The following CLCN1 variants were observed in gnomAD, a reference collection of about 807,000 sequenced individuals.
The protein encoded by CLCN1 is chloride channel protein 1.
CLCN1 carries 100 observed loss-of-function variants against 114.5 expected under a neutral mutation model. The observed-to-expected ratio is 0.87, with a 90% confidence interval of 0.74 to 1.03. The LOEUF (loss-of-function observed/expected upper bound fraction) is 1.03. Ranked by LOEUF, CLCN1 falls within the 50% of genes least tolerant of loss-of-function variation. The probability of loss-of-function intolerance (pLI) is 0.00; values close to 1 mark genes in which losing one functional copy is unlikely to be tolerated. For synonymous variants in CLCN1, 485 were observed against 487.1 expected, an observed-to-expected ratio of 1.00 and a Z score of 0.06; for missense variants, 1,188 against 1,250.0, an observed-to-expected ratio of 0.95 and a Z score of 0.75.
At chr7:143,351,155 G>C (rs62472680) in intron 22 of CLCN1, among the ~76,000 whole-genome samples, 1 of 152,118 alleles carries the variant, frequency 6.6e-6, no homozygotes, top group South Asian at 2.1e-4. Context: ...TACGAAGCCT[G>C]TTATGGCCAC....
intron 7 of CLCN1, among the ~76,000 whole-genome samples, chr7:143,329,536 C>T (rs1271808425): frequency 2.6e-5 from 4 of 152,060 alleles, no homozygotes; most frequent in East Asian, 3.9e-4. Context: ...TGTAACTAGT[C>T]GACTGTCACC....
chr7:143,350,405 CCTGT>C lies in CLCN1; in HGVS notation c.2442_2445del (p.Cys815LeufsTer36). On this transcript the variant is annotated frameshift_variant, in exon 21 of 23. Transcript: ENST00000343257. LOFTEE classifies it high-confidence loss of function. The surrounding 1 kb of genome is among the most constrained non-coding windows in gnomAD (Gnocchi z 5.1). ...CTGGGAGCAGGAGCAGCTGAGCCAG[CCTGT>C]CTGTTTTGATTCCTGCTGTATTGAC... 6.2e-7 allele frequency: 1 copy of C among 1,614,150 alleles called. No individual in the cohort carries two copies. Among genetic ancestry groups the C allele is most frequent in the Non-Finnish European group, 8.5e-7 (1 of 1,179,990 alleles).
In CLCN1 at chr7:143,350,622, G is replaced by A; in HGVS notation, c.2563G>A (p.Gly855Arg). The change falls in exon 22 of 23, where the codon GGG becomes AGG. Residue 855 changes from glycine to arginine, a missense_variant. Coordinates refer to ENST00000343257, the MANE Select transcript of CLCN1 (RefSeq NM_000083.3). This position sits in a 1 kb window ranked among gnomAD's most constrained non-coding sequence, Gnocchi z 5.1. ...CCACCTCGCTTACGTGACCAGCATG[G>A]GGAAGCTCAGGGGCGTCCTGGCCCT... ...GLHLAYVTSM[G>R]KLRGVLALEE... 6.2e-7 allele frequency: 1 copy of A among 1,614,148 alleles called. No individual in the cohort carries two copies. The highest frequency in any genetic ancestry group is 8.5e-7 in the Non-Finnish European group (1 of 1,180,022).
At chr7:143,341,793 T>C in intron 14 of CLCN1, 136 bp from the exon 15 acceptor site, 1 of 727,980 alleles carries the variant, frequency 1.4e-6, no homozygotes. Context: ...TTCCCTACTC[T>C]TGACAAGTCA....
At chr7:143,319,246 G>A (rs1280687985) in intron 1 of CLCN1, among the ~76,000 whole-genome samples, 1 of 152,184 alleles carries the variant, frequency 6.6e-6, no homozygotes, top group Non-Finnish European at 1.5e-5. Flanking sequence ...GCTTGATAGA[G>A]GACCTGAGGT....
Position 143,350,487 on chromosome 7 carries a change from T to G in CLCN1, c.2508+11T>G, listed in dbSNP as rs1391949112. ...ACAACCCTGCACAAGGTGAGTCTTT[T>G]GCTGACTGCTCAGGGCTGTGGGGAA... is the stretch of plus-strand genomic sequence containing the variant. On this transcript the variant is annotated intron_variant, in intron 21 of 22. Coordinates refer to ENST00000343257, the MANE Select transcript of CLCN1 (RefSeq NM_000083.3). The surrounding 1 kb of genome is among the most constrained non-coding windows in gnomAD (Gnocchi z 5.1). 2 of 1,612,660 alleles carry G rather than the reference T, an allele frequency of 1.2e-6. No individual in the cohort carries two copies. The highest frequency in any genetic ancestry group is 1.7e-6 in the Non-Finnish European group (2 of 1,178,676).
rs746164503 is a variant in CLCN1, at chr7:143,329,652, C to T, written c.854-1120C>T. Among the ~76,000 whole-genome samples, 6 of 152,118 alleles carry T rather than the reference C, an allele frequency of 3.9e-5. No homozygotes were observed. In the South Asian group the frequency reaches 6.2e-4, roughly 16 times the overall value. On this transcript the variant is annotated intron_variant, in intron 7 of 22. Transcript: ENST00000343257. ...GATGCGAGGTGCTGCCTGAAGAGGG[C>T]GTTCACCCTGTTCACATGGAGAGAA...
chr7:143,338,949 G>A (rs748458774), intron 12 of CLCN1, among the ~76,000 whole-genome samples: 24 of 152,244 alleles, frequency 1.6e-4, no homozygotes, highest in Non-Finnish European at 2.9e-4. Context: ...GGCAGAGAAA[G>A]ATAAGTACTC....
chr7:143,320,651 C>T lies in CLCN1; in HGVS notation c.302-13C>T. On this transcript the variant is annotated splice_polypyrimidine_tract_variant and intron_variant, in intron 2 of 22. Coordinates refer to ENST00000343257, the MANE Select transcript of CLCN1 (RefSeq NM_000083.3). ...TTGTTTGTTTGTTTGTTTTTTCCCT[C>T]ATCTCTTCCTAGATTGTATCCACCG... 6.2e-7 allele frequency: 1 copy of T among 1,609,536 alleles called. No homozygotes were observed. The highest frequency in any genetic ancestry group is 8.5e-7 in the Non-Finnish European group (1 of 1,177,120).
At chr7:143,348,400 C>A (rs1455357333) in intron 20 of CLCN1, among the ~76,000 whole-genome samples, 5 of 151,688 alleles carry the variant, frequency 3.3e-5, no homozygotes, top group Non-Finnish European at 7.4e-5. Flanking sequence ...AGAGAGAAAA[C>A]CAGCTAGTTG....
chr7:143,316,339 C>T lies in CLCN1; in HGVS notation c.127C>T (p.Gln43Ter), dbSNP rs563275093. The part of the protein sequence containing the change: ...YGLPSENGGL[Q>*]HRLRKDAGPR... The stretch of plus-strand genomic sequence containing the variant: ...ACTGCCCTCTGAGAATGGGGGCCTC[C>T]AGCACAGGCTCCGGAAGGATGCAGG... Residue 43 changes from glutamine to a stop codon, truncating the protein, a stop_gained, in exon 1 of 23, where the codon CAG becomes TAG. Coordinates refer to ENST00000343257, the MANE Select transcript of CLCN1 (RefSeq NM_000083.3). LOFTEE classifies it high-confidence loss of function. 1.9e-6 allele frequency: 3 copies of T among 1,612,656 alleles called. No homozygotes were observed. Among genetic ancestry groups the T allele is most frequent in the South Asian group, 1.1e-5 (1 of 91,082 alleles).
chr7:143,336,184 C>T (rs1345535065), intron 12 of CLCN1, among the ~76,000 whole-genome samples: 3 of 152,124 alleles, frequency 2.0e-5, no homozygotes, highest in Admixed American at 6.5e-5. Context: ...ACTCCTTTCA[C>T]TTCATTCTCC....
At chr7:143,345,895 C>A in intron 17 of CLCN1, 133 bp downstream of exon 17, 1 of 1,300,586 alleles carries the variant, frequency 7.7e-7, no homozygotes, top group Non-Finnish European at 1.1e-6. Context: ...AGGGGAGAGT[C>A]TGGTAACTGA....
intron 20 of CLCN1, among the ~76,000 whole-genome samples, chr7:143,347,288 G>A (rs4726610): frequency 0.2 from 30,980 of 152,018 alleles, 3,234 homozygotes; most frequent in Non-Finnish European, 0.23. Flanking sequence ...GCACCAGGAG[G>A]CTGGCACTAA....
chr7:143,339,263 C>A lies in CLCN1; in HGVS notation c.1412C>A (p.Ser471Tyr). ...TTCTTTCTACTCCAGTTCTGGATGT[C>A]CATCGTGGCCACCACTATGCCCATA... is the stretch of plus-strand genomic sequence containing the variant. ...FLFFVMKFWMSIVATTMPIPC... is the reference protein window; with the variant it reads ...FLFFVMKFWMYIVATTMPIPC... The change falls in exon 13 of 23, where the codon TCC becomes TAC. Residue 471 changes from serine (S) to tyrosine (Y), a missense_variant. By Grantham distance (144) the Ser-to-Tyr change is moderately radical. Transcript: ENST00000343257. This position sits in a 1 kb window ranked among gnomAD's most constrained non-coding sequence, Gnocchi z 4.1. 1 of 1,609,668 alleles carries A rather than the reference C, an allele frequency of 6.2e-7. No homozygotes were observed. The highest frequency in any genetic ancestry group is 1.1e-5 in the South Asian group (1 of 90,982).
At chr7:143,347,614 T>C (rs1803285706) in intron 20 of CLCN1, among the ~76,000 whole-genome samples, 1 of 124,788 alleles carries the variant, frequency 8.0e-6, no homozygotes, top group African/African-American at 3.3e-5. Flanking sequence ...GATCCAGACT[T>C]TGCCTCAAAA....
intron 6 of CLCN1, chr7:143,323,622 A>C: frequency 1.5e-6 from 1 of 664,384 alleles, no homozygotes; most frequent in Non-Finnish European, 2.9e-6. Context: ...GTGGCCCCAC[A>C]TGGAGGTCTG....
rs1423567292 is a variant in CLCN1 at position 143,323,307 on chromosome 7, AG to A, written c.698del. 4 of 1,597,684 alleles carry A rather than the reference AG, an allele frequency of 2.5e-6. No individual in the cohort carries two copies. The African/African-American group carries it at 5.4e-5, about 22-fold the overall frequency. ...CCCGCCCCCTCGCTCCCCCTCTCCC[AG>A]GGCCCCTTCGTCCACATTGCCAGCA... On this transcript the variant is annotated splice_acceptor_variant, in intron 5 of 22. Coordinates refer to ENST00000343257, the MANE Select transcript of CLCN1 (RefSeq NM_000083.3). LOFTEE classifies it high-confidence loss of function.
rs1802282126 is a variant in CLCN1, at chr7:143,316,116, C to A, written c.-97C>A. ...GGAGGTGGGCATGCTGCCCCAGACGCCTTGGGGACAGCAAGAGCAGAGGCT... is the reference window on the plus strand; with the variant it reads ...GGAGGTGGGCATGCTGCCCCAGACGACTTGGGGACAGCAAGAGCAGAGGCT... On this transcript the variant is annotated 5_prime_UTR_variant, in exon 1 of 23. Transcript: ENST00000343257. 1.0e-6 allele frequency: 1 copy of A among 990,670 alleles called. No individual in the cohort carries two copies. The highest frequency in any genetic ancestry group is 1.6e-6 in the Non-Finnish European group (1 of 628,412). The allele number at this position is 990,670 out of a possible 1,614,324, so 61.4% of individuals were successfully genotyped here.
Sources: allele counts gnomAD v4.1 joint callset (sites outside exome capture counted in the v4.1 genomes callset), GRCh38; gene constraint gnomAD v4.1.1; non-coding constraint Gnocchi (gnomAD v3.1); transcripts MANE v1.5; gene names NCBI Gene and HGNC (gene_info 2026-07-23, HGNC 2026-07-21).